Variants in UTS2 observed in about 807,000 individuals in gnomAD.
UTS2 encodes urotensin 2, also known as urotensin-2.
UTS2 carries 10 observed loss-of-function variants against 12.6 expected under a neutral mutation model. The observed-to-expected ratio is 0.80, with a 90% CI of 0.49 to 1.35. The LOEUF is 1.35. Among genes scored for constraint, UTS2 ranks in the 40% most tolerant of loss-of-function variants. The probability of loss-of-function intolerance (pLI) is 0.00; values close to 1 mark genes in which losing one functional copy is unlikely to be tolerated. For synonymous variants in UTS2, 52 were observed against 50.0 expected, an observed-to-expected ratio of 1.04 and a Z score of -0.17; for missense variants, 142 against 143.2, an observed-to-expected ratio of 0.99 and a Z score of 0.04.
At chr1:7,868,298 T>C in the UTS2 span, among the ~76,000 whole-genome samples, 5 of 152,212 alleles carry the variant, frequency 3.3e-5, no homozygotes, top group Non-Finnish European at 7.3e-5. Context: ...GGCTGTCTTG[T>C]GGGCACGTGT....
At chr1:7,891,736 A>G in the UTS2 span, among the ~76,000 whole-genome samples, 2 of 152,186 alleles carry the variant, frequency 1.3e-5, no homozygotes, top group African/African-American at 2.4e-5. Flanking sequence ...TACCATAAAC[A>G]TGTACAATTT....
the UTS2 span, among the ~76,000 whole-genome samples, chr1:7,911,855 C>G: frequency 6.7e-6 from 1 of 148,372 alleles, no homozygotes; most frequent in East Asian, 2.0e-4. Flanking sequence ...GAGCCAAGAT[C>G]GCGCCACTGC....
the UTS2 span, among the ~76,000 whole-genome samples, chr1:7,884,516 C>T: frequency 6.6e-6 from 1 of 151,978 alleles, no homozygotes; most frequent in South Asian, 2.1e-4. Flanking sequence ...ACTATGTTGC[C>T]CAGGCTGGTC....
the UTS2 span, among the ~76,000 whole-genome samples, chr1:7,881,645 C>T: frequency 1.3e-5 from 2 of 152,082 alleles, no homozygotes; most frequent in African/African-American, 4.8e-5. Flanking sequence ...CACAAAGAAA[C>T]TGCAAGATGT....
the UTS2 span, among the ~76,000 whole-genome samples, chr1:7,895,368 C>T: frequency 0.56 from 79,353 of 142,790 alleles, 21,421 homozygotes; most frequent in African/African-American, 0.6. Context: ...AGACTCCATC[C>T]CAAAAAAATA....
intron 1 of UTS2, among the ~76,000 whole-genome samples, chr1:7,852,626 T>C (rs931352531): frequency 7.2e-5 from 11 of 152,186 alleles, no homozygotes; most frequent in Non-Finnish European, 1.6e-4. Context: ...TGGAAAAATG[T>C]ATATATTACC....
the UTS2 span, among the ~76,000 whole-genome samples, chr1:7,895,493 T>C: frequency 6.6e-6 from 1 of 152,184 alleles, no homozygotes; most frequent in East Asian, 1.9e-4. Flanking sequence ...CTGCTGTGCT[T>C]AGTGCAGGAG....
the UTS2 span, among the ~76,000 whole-genome samples, chr1:7,892,515 A>T: frequency 8.1e-6 from 1 of 122,948 alleles, no homozygotes; most frequent in African/African-American, 3.3e-5. Flanking sequence ...TCACTCTGTC[A>T]TCCAGGCTGG....
the UTS2 span, among the ~76,000 whole-genome samples, chr1:7,883,754 T>C: frequency 1.3e-5 from 2 of 152,254 alleles, no homozygotes; most frequent in South Asian, 4.1e-4. Context: ...TCAGCAGCCA[T>C]CAACATCAAG....
In UTS2 at chr1:7,850,730, C is replaced by T. The variant is rs917477311; in HGVS notation, c.214+82G>A. On this transcript the variant is annotated intron_variant, in intron 2 of 3. Coordinates refer to ENST00000361696, the MANE Select transcript of UTS2 (RefSeq NM_006786.4). ...CTCATCTTTATATTCCAAAATAGAG[C>T]TTTACCTCTTCTAGATGAGGACAGA... 7.2e-6 allele frequency: 10 copies of T among 1,381,648 alleles called. No homozygotes were observed. In the Admixed American group the frequency reaches 1.2e-4, roughly 16 times the overall value. The allele number at this position is 1,381,648 out of a possible 1,614,324, so 85.6% of individuals were successfully genotyped here.
At chr1:7,891,662 G>A in the UTS2 span, among the ~76,000 whole-genome samples, 7 of 150,828 alleles carry the variant, frequency 4.6e-5, no homozygotes, top group Admixed American at 2.0e-4. Context: ...GAGGCAATGA[G>A]TATGTTCATT....
the UTS2 span, among the ~76,000 whole-genome samples, chr1:7,908,447 T>G: frequency 2.5e-5 from 3 of 120,050 alleles, no homozygotes; most frequent in African/African-American, 7.4e-5. Context: ...GGCGACAGAG[T>G]GAGACTCTGT....
At chr1:7,912,360 C>A in the UTS2 span, among the ~76,000 whole-genome samples, 1 of 152,188 alleles carries the variant, frequency 6.6e-6, no homozygotes, top group Admixed American at 6.5e-5. Flanking sequence ...GCGGCATAAA[C>A]CAATCAAAAC....
At chr1:7,893,807 T>A in the UTS2 span, among the ~76,000 whole-genome samples, 1 of 152,220 alleles carries the variant, frequency 6.6e-6, no homozygotes, top group Non-Finnish European at 1.5e-5. Context: ...CTTTTTAATA[T>A]TCACTTACAA....
chr1:7,913,102 C>A, the UTS2 span, among the ~76,000 whole-genome samples: 2 of 151,094 alleles, frequency 1.3e-5, no homozygotes, highest in African/African-American at 2.5e-5. Flanking sequence ...ATGCCTGCTA[C>A]GGAACTCCCA....
the UTS2 span, among the ~76,000 whole-genome samples, chr1:7,877,161 G>GAAAA: frequency 8.5e-6 from 1 of 118,330 alleles, no homozygotes; most frequent in African/African-American, 3.7e-5. Flanking sequence ...AAAGAAACAT[G>GAAAA]AAAAAACAAG....
the UTS2 span, among the ~76,000 whole-genome samples, chr1:7,884,814 CCATACACCCATCATCCACCCAT>C: frequency 6.6e-6 from 1 of 151,692 alleles, no homozygotes; most frequent in African/African-American, 2.4e-5. Flanking sequence ...ATCCATTTAC[CCATACACCCATCATCCACCCAT>C]CATACACCCA....
At chr1:7,850,770 G>A (rs1409483857) in intron 2 of UTS2, 42 bp downstream of exon 2, 36 of 1,583,814 alleles carry the variant, frequency 2.3e-5, no homozygotes, top group Non-Finnish European at 3.0e-5. Context: ...AAGTTCAGTA[G>A]CAATTAAATC....
chr1:7,855,762 C>T (rs1193233931), upstream of UTS2, among the ~76,000 whole-genome samples: 1 of 151,758 alleles, frequency 6.6e-6, no homozygotes, highest in East Asian at 1.9e-4. Context: ...AGTTCAGTGG[C>T]GTGATCATGA....
Sources: gnomAD v4.1 joint callset for allele counts (sites outside exome capture counted in the v4.1 genomes callset) on GRCh38, gnomAD v4.1.1 for gene constraint, MANE v1.5 for transcripts, NCBI Gene and HGNC (gene_info 2026-07-23, HGNC 2026-07-21) for gene names.